The following ZNF735 variants were observed in gnomAD, a reference collection of about 807,000 sequenced individuals.
The protein encoded by ZNF735 is putative zinc finger protein 735.
ZNF735 carries 11 observed loss-of-function variants against 13.4 expected under a neutral mutation model. The observed-to-expected ratio is 0.82, with a 90% confidence interval of 0.52 to 1.36. The LOEUF (loss-of-function observed/expected upper bound fraction) is 1.36. Ranked by LOEUF, ZNF735 falls within the 40% of genes most tolerant of loss-of-function variation. The probability of loss-of-function intolerance (pLI) is 0.00; values close to 1 mark genes in which losing one functional copy is unlikely to be tolerated. For synonymous variants in ZNF735, 171 were observed against 162.6 expected (o/e 1.05, Z -0.39); for missense variants, 500 against 484.6 (o/e 1.03, Z -0.30).
At chr7:64,212,805 GAA>G (rs745780779) in intron 1 of ZNF735, among the ~76,000 whole-genome samples, 16 of 145,618 alleles carry the variant, frequency 1.1e-4, no homozygotes, top group Non-Finnish European at 2.1e-4. Flanking sequence ...AAAAAAAAAA[GAA>G]AAGAAAAAAG....
intron 3 of ZNF735, among the ~76,000 whole-genome samples, chr7:64,216,800 C>A (rs1433442461): frequency 3.9e-5 from 6 of 152,098 alleles, no homozygotes; most frequent in African/African-American, 9.7e-5. Flanking sequence ...GAGACAGGGT[C>A]TCACTGTGTT....
chr7:64,208,963 T>G (rs1787325870), intron 1 of ZNF735, among the ~76,000 whole-genome samples: 1 of 152,242 alleles, frequency 6.6e-6, no homozygotes, highest in Non-Finnish European at 1.5e-5. Flanking sequence ...TTATCCAGTC[T>G]ACCACTGAAG....
At chr7:64,219,459 G>A (rs776035543) in exon 4 of ZNF735, 22 of 1,613,656 alleles carry the variant, frequency 1.4e-5, no homozygotes, top group Middle Eastern at 3.3e-4. Context: ...ATGAGTGTGA[G>A]GTGCACAAAG....
At chr7:64,211,638 C>T (rs1416562510) in intron 1 of ZNF735, among the ~76,000 whole-genome samples, 2 of 151,750 alleles carry the variant, frequency 1.3e-5, no homozygotes, top group Non-Finnish European at 2.9e-5. Flanking sequence ...CTGGGGCAGG[C>T]AGATCACATG....
chr7:64,219,646 C>G, exon 4 of ZNF735: 1 of 1,581,208 alleles, frequency 6.3e-7, no homozygotes, highest in South Asian at 1.1e-5. Context: ...CATGTTTTCA[C>G]ACCTAAATCA....
rs1787391582 is a variant in ZNF735, at chr7:64,214,059, T to TA, written c.216dup (p.Glu73ArgfsTer9). On this transcript the variant is annotated frameshift_variant, in exon 3 of 4. Coordinates refer to ENST00000429565, the Ensembl canonical transcript of ZNF735. LOFTEE classifies it low-confidence loss of function (END_TRUNC). ...ACTTGATCGCCTGTCTGGAGCAAAA[T>TA]AAAGAGCCCCAGAATATAAAGAGAA... 1 of 1,600,410 alleles carries TA rather than the reference T, an allele frequency of 6.2e-7. No individual in the cohort carries two copies. Among genetic ancestry groups the TA allele is most frequent in the Non-Finnish European group, 8.5e-7 (1 of 1,179,236 alleles).
At chr7:64,219,360 A>G (rs1235704881) in exon 4 of ZNF735, 1 of 1,613,816 alleles carries the variant, frequency 6.2e-7, no homozygotes, top group African/African-American at 1.3e-5. Flanking sequence ...AGCAGAGCAT[A>G]AAAGATTCAC....
At chr7:64,219,551 G>T in exon 4 of ZNF735, 1 of 1,590,144 alleles carries the variant, frequency 6.3e-7, no homozygotes. Context: ...AAAGTCTTCA[G>T]TAAATTTTCA....
At chr7:64,214,634 G>A (rs1216785911) in intron 3 of ZNF735, among the ~76,000 whole-genome samples, 6 of 151,382 alleles carry the variant, frequency 4.0e-5, no homozygotes, top group South Asian at 2.1e-4. Context: ...TTTTATATAC[G>A]TATTTATTTA....
intron 1 of ZNF735, among the ~76,000 whole-genome samples, chr7:64,210,304 A>G (rs1289100863): frequency 6.6e-6 from 1 of 152,226 alleles, no homozygotes; most frequent in Admixed American, 6.5e-5. Flanking sequence ...ATAGCATTTC[A>G]GCATGGTGAT....
chr7:64,214,761 TATATA>T (rs1787400165), intron 3 of ZNF735, among the ~76,000 whole-genome samples: 1 of 152,058 alleles, frequency 6.6e-6, no homozygotes, highest in African/African-American at 2.4e-5. Flanking sequence ...ATTGCTGTAT[TATATA>T]ATAATTTCAT....
chr7:64,219,879 A>G, exon 4 of ZNF735: 2 of 1,613,960 alleles, frequency 1.2e-6, no homozygotes, highest in South Asian at 2.2e-5. Context: ...AATGTGGCCA[A>G]GCCTTTAGGC....
At chr7:64,209,795 A>G (rs112348235) in intron 1 of ZNF735, among the ~76,000 whole-genome samples, 6 of 152,262 alleles carry the variant, frequency 3.9e-5, no homozygotes, top group Admixed American at 2.0e-4. Context: ...TGTGATGTTT[A>G]GTGATATACA....
intron 1 of ZNF735, among the ~76,000 whole-genome samples, chr7:64,209,995 A>G (rs1787337437): frequency 6.6e-6 from 1 of 152,162 alleles, no homozygotes. Flanking sequence ...TTATTATTCT[A>G]TATATTTTCT....
chr7:64,211,771 CAGG>C, intron 1 of ZNF735, among the ~76,000 whole-genome samples: 1 of 151,032 alleles, frequency 6.6e-6, no homozygotes, highest in Non-Finnish European at 1.5e-5. Flanking sequence ...GAGGTTGAGG[CAGG>C]AGAATTGCTT....
intron 1 of ZNF735, among the ~76,000 whole-genome samples, chr7:64,212,351 C>G (rs1182490937): frequency 2.0e-5 from 3 of 152,084 alleles, no homozygotes; most frequent in Non-Finnish European, 4.4e-5. Context: ...AGACTTTATC[C>G]CAAATCTCCT....
chr7:64,216,946 A>G (rs1787428852), intron 3 of ZNF735, among the ~76,000 whole-genome samples: 1 of 152,200 alleles, frequency 6.6e-6, no homozygotes, highest in South Asian at 2.1e-4. Context: ...TTCTAACAGA[A>G]TGTACCAGAT....
At chr7:64,207,523 G>A (rs532749662) in intron 1 of ZNF735, among the ~76,000 whole-genome samples, 18 of 152,174 alleles carry the variant, frequency 1.2e-4, no homozygotes, top group South Asian at 6.2e-4. Flanking sequence ...ATCTCATCCA[G>A]ATTGTACAGG....
chr7:64,213,184 G>A, exon 2 of ZNF735: 1 of 1,610,816 alleles, frequency 6.2e-7, no homozygotes, highest in South Asian at 1.1e-5. Flanking sequence ...ATAGAGATGT[G>A]ATGTTAGAGA....
Sources: gnomAD v4.1 joint callset for allele counts (sites outside exome capture counted in the v4.1 genomes callset) on GRCh38, gnomAD v4.1.1 for gene constraint, MANE v1.5 for transcripts, NCBI Gene and HGNC (gene_info 2026-07-23, HGNC 2026-07-21) for gene names.